KIF1B: variants seen among roughly 807,000 people sequenced by gnomAD.
KIF1B encodes the protein kinesin-like protein KIF1B.
A neutral mutation model predicts 241.9 loss-of-function variants in KIF1B; 76 were observed. That is an observed-to-expected ratio of 0.31 (90% confidence interval 0.26 to 0.38). The LOEUF is 0.38. Ranked by LOEUF, KIF1B falls within the 10% of genes least tolerant of loss-of-function variation. KIF1B has a pLI of 1.00. For synonymous variants in KIF1B, 750 were observed against 796.7 expected, an observed-to-expected ratio of 0.94 and a Z score of 0.99; for missense variants, 1,622 against 2,271.4, an observed-to-expected ratio of 0.71 and a Z score of 5.81.
At chr1:10,239,172 C>A (rs1647099512) in intron 2 of KIF1B, among the ~76,000 whole-genome samples, 1 of 152,126 alleles carries the variant, frequency 6.6e-6, no homozygotes, top group Admixed American at 6.5e-5. Flanking sequence ...CCATGCTGGT[C>A]CCAACTCTTG....
Position 10,365,801 on chromosome 1 carries a change from C to T in KIF1B, c.4752+153C>T, listed in dbSNP as rs529998172. Among the ~76,000 whole-genome samples the T allele has an allele frequency of 6.6e-6, 1 of 152,180 alleles. No homozygotes were observed. The highest frequency in any genetic ancestry group is 2.4e-5 in the African/African-American group (1 of 41,438). The stretch of plus-strand genomic sequence containing the variant: ...AATAAAAAGACGCAGTTCCTACCCT[C>T]AACAAGCTTACAGGGCCAGGCACAG... On this transcript the variant is annotated intron_variant, in intron 43 of 48. Transcript: ENST00000676179. The surrounding 1 kb of genome is among the most constrained non-coding windows in gnomAD (Gnocchi z 4.0).
intron 22 of KIF1B, chr1:10,305,915 G>A (rs1304027793): frequency 9.5e-7 from 1 of 1,053,576 alleles, no homozygotes; most frequent in Non-Finnish European, 1.1e-6. Context: ...TTCATGTTTT[G>A]GAAGATTCCT....
chr1:10,257,382 G>T (rs1384767500), intron 3 of KIF1B, among the ~76,000 whole-genome samples: 1 of 151,368 alleles, frequency 6.6e-6, no homozygotes, highest in African/African-American at 2.4e-5. Context: ...GCTGAGGCAG[G>T]TGAACTGCTT....
chr1:10,251,729 C>T lies in KIF1B; in HGVS notation c.107-4518C>T, dbSNP rs539292944. On this transcript the variant is annotated intron_variant, in intron 2 of 48. Transcript: ENST00000676179. ...AGCCTGGGCAACAAGAGCAAAACTC[C>T]GTCTCAAAAAAAAAAAAGCTTTATC... 1.0e-4 allele frequency among the ~76,000 whole-genome samples: 15 copies of T among 149,910 alleles called. No homozygotes were observed. The East Asian group carries it at 1.2e-3, about 12-fold the overall frequency.
intron 22 of KIF1B, among the ~76,000 whole-genome samples, chr1:10,317,164 G>A (rs1258954600): frequency 6.6e-6 from 1 of 151,462 alleles, no homozygotes; most frequent in African/African-American, 2.4e-5. Flanking sequence ...GAAATGAACA[G>A]GTGCATGCCC....
chr1:10,332,501 A>ATTT lies in KIF1B; in HGVS notation c.2925-1989_2925-1987dup, dbSNP rs568393252. Among the ~76,000 whole-genome samples the ATTT allele has an allele frequency of 3.7e-3, 215 of 58,680 alleles. 35 individuals are homozygous for ATTT. The highest frequency in any genetic ancestry group is 0.013 in the African/African-American group (198 of 15,244). 38.5% of individuals were successfully genotyped at this position (58,680 alleles called of 152,430 possible). On this transcript the variant is annotated intron_variant, in intron 27 of 48. Transcript: ENST00000676179. The stretch of plus-strand genomic sequence containing the variant: ...GTCACCCTGCCTGAAGATAATAGTC[A>ATTT]TTTTTTTTTTTTTTTTTTTTTTTTT...
At chr1:10,357,910 G>A (rs1638298496) in intron 38 of KIF1B, among the ~76,000 whole-genome samples, 1 of 151,742 alleles carries the variant, frequency 6.6e-6, no homozygotes, top group African/African-American at 2.4e-5. Flanking sequence ...TTGGGAGGCT[G>A]AGGCAGGAGA....
Position 10,271,563 on chromosome 1 carries a change from A to C in KIF1B, c.782A>C (p.Lys261Thr). ...GAACGAGCTGATTCAACTGGTGCCA[A>C]AGGGACTCGATTAAAGGTATTTATT... ...GSERADSTGA[K>T]GTRLKEGANI... The change falls in exon 8 of 49, where the codon AAA (lysine) becomes ACA (threonine). Residue 261 changes from lysine to threonine, a missense_variant. Lys to Thr is a moderately conservative substitution (Grantham distance 78). Coordinates refer to ENST00000676179, the MANE Select transcript of KIF1B (RefSeq NM_001365951.3). 1 of 1,613,186 alleles carries C rather than the reference A, an allele frequency of 6.2e-7. No individual in the cohort carries two copies.
At chr1:10,373,394 C>A (rs1479982735) in intron 45 of KIF1B, among the ~76,000 whole-genome samples, 2 of 151,374 alleles carry the variant, frequency 1.3e-5, no homozygotes, top group African/African-American at 4.9e-5. Context: ...GCCACCACGC[C>A]CAGCTAATTT....
Position 10,275,519 on chromosome 1 carries a change from G to A in KIF1B, c.958+16G>A, listed in dbSNP as rs774044427. 2 of 1,316,736 alleles carry A rather than the reference G, an allele frequency of 1.5e-6. No homozygotes were observed. Among genetic ancestry groups the A allele is most frequent in the East Asian group, 4.6e-5 (2 of 43,468 alleles). 81.6% of individuals were successfully genotyped at this position (1,316,736 alleles called of 1,614,324 possible). A position where few individuals can be genotyped will look rare whatever the true frequency, so the allele number is the denominator to read the frequency against. On this transcript the variant is annotated intron_variant, in intron 11 of 48. Coordinates refer to ENST00000676179, the MANE Select transcript of KIF1B (RefSeq NM_001365951.3). Reference sequence around the variant, plus strand: ...GAAAATTTAGGTATGTTGACCACTAGTGAAAAGTAGTTATCTTTTTAACTT... The same window carrying A: ...GAAAATTTAGGTATGTTGACCACTAATGAAAAGTAGTTATCTTTTTAACTT...
intron 34 of KIF1B, among the ~76,000 whole-genome samples, chr1:10,345,103 A>AGG (rs1652541069): frequency 6.6e-6 from 1 of 152,096 alleles, no homozygotes; most frequent in African/African-American, 2.4e-5. Context: ...CTGAGGTGGG[A>AGG]GGATGGTTTG....
intron 22 of KIF1B, among the ~76,000 whole-genome samples, chr1:10,314,700 A>G (rs1651226212): frequency 6.6e-6 from 1 of 151,696 alleles, no homozygotes; most frequent in African/African-American, 2.4e-5. Flanking sequence ...GATTACAGGC[A>G]TGTGCCACCA....
intron 22 of KIF1B, chr1:10,307,351 C>A (rs1650879453): frequency 2.1e-6 from 2 of 954,076 alleles, no homozygotes; most frequent in South Asian, 9.8e-5. Context: ...GCTCTGTCGC[C>A]CAGGCTGCAG....
intron 41 of KIF1B, among the ~76,000 whole-genome samples, chr1:10,364,842 T>C (rs1024537367): frequency 1.3e-5 from 2 of 151,450 alleles, no homozygotes; most frequent in African/African-American, 4.9e-5. Context: ...CGGTCTCTAC[T>C]AAAAATACAA....
intron 15 of KIF1B, 32 bp downstream of exon 15, chr1:10,282,565 T>A: frequency 6.4e-7 from 1 of 1,554,148 alleles, no homozygotes; most frequent in South Asian, 1.1e-5. Context: ...ATACAAGGTA[T>A]TCTATGTAGC....
At chr1:10,230,438 C>CT (rs1646965688) in intron 1 of KIF1B, among the ~76,000 whole-genome samples, 3 of 126,558 alleles carry the variant, frequency 2.4e-5, no homozygotes, top group Non-Finnish European at 3.4e-5. Context: ...TTTTTTTTTT[C>CT]TTTCTTTTTT....
chr1:10,301,821 C>G (rs1046454558), intron 22 of KIF1B, among the ~76,000 whole-genome samples: 3 of 152,136 alleles, frequency 2.0e-5, no homozygotes, highest in African/African-American at 7.2e-5. Flanking sequence ...CATTGCTTTC[C>G]CAGAGATCCA....
intron 22 of KIF1B, among the ~76,000 whole-genome samples, chr1:10,297,881 G>A (rs1650349445): frequency 1.3e-5 from 2 of 152,150 alleles, no homozygotes; most frequent in African/African-American, 4.8e-5. Context: ...TGCTTCCTTT[G>A]AGGGAAGGAG....
In KIF1B at chr1:10,300,237, A is replaced by AATAAT. The variant is rs1553165909; in HGVS notation, c.2115+2992_2115+2993insTAATA. 4.1e-3 allele frequency among the ~76,000 whole-genome samples: 585 copies of AATAAT among 143,912 alleles called. 5 individuals carry two copies. Among genetic ancestry groups the AATAAT allele is most frequent in the East Asian group, 0.018 (88 of 4,966 alleles). The allele number at this position is 143,912 out of a possible 152,430, so 94.4% of individuals were successfully genotyped here. ...GGGTGATAAAGCTAGACTCAGTGTC[A>AATAAT]AATAATAATAATAATAATAATAATA... On this transcript the variant is annotated intron_variant, in intron 22 of 48. Coordinates refer to ENST00000676179, the MANE Select transcript of KIF1B (RefSeq NM_001365951.3).
Sources: allele counts gnomAD v4.1 joint callset (sites outside exome capture counted in the v4.1 genomes callset), GRCh38; gene constraint gnomAD v4.1.1; non-coding constraint Gnocchi (gnomAD v3.1); transcripts MANE v1.5; gene names NCBI Gene and HGNC (gene_info 2026-07-23, HGNC 2026-07-21).